Variants in WFDC11 observed in about 807,000 individuals in gnomAD.
WFDC11 encodes the protein WAP four-disulfide core domain 11.
WFDC11 carries 9 observed loss-of-function variants against 9.9 expected under a neutral mutation model. The observed-to-expected ratio is 0.91, with a 90% CI of 0.55 to 1.58. The LOEUF is 1.58. Ranked by LOEUF, WFDC11 falls within the 40% of genes most tolerant of loss-of-function variation. The probability of loss-of-function intolerance (pLI) is 0.00; values close to 1 mark genes in which losing one functional copy is unlikely to be tolerated. For missense variants in WFDC11, 106 were observed against 101.7 expected (o/e 1.04, Z -0.18); for synonymous variants, 32 against 33.3 (o/e 0.96, Z 0.13).
At chr20:45,664,873 G>A (rs977757612) in intron 2 of WFDC11, among the ~76,000 whole-genome samples, 30 of 152,082 alleles carry the variant, frequency 2.0e-4, no homozygotes, top group Admixed American at 2.0e-4. Flanking sequence ...TTCAACTTTA[G>A]TGAATCTAAC....
rs548648840 is a variant in WFDC11 at position 45,660,488 on chromosome 20, A to C, written c.-52+6600T>G. On this transcript the variant is annotated intron_variant, in intron 2 of 4. Transcript: ENST00000324384. ...GTGCAGGTTAGTTACATATGTATAC[A>C]TGTGCCATGCTGGTGTGCTTCACCC... is the stretch of plus-strand genomic sequence containing the variant. 1.4e-3 allele frequency among the ~76,000 whole-genome samples: 214 copies of C among 152,208 alleles called. 1 individual carries two copies. In the South Asian group the frequency reaches 0.018, roughly 13 times the overall value.
intron 2 of WFDC11, among the ~76,000 whole-genome samples, chr20:45,665,502 G>T (rs1983169436): frequency 3.9e-5 from 6 of 152,180 alleles, no homozygotes; most frequent in African/African-American, 1.4e-4. Context: ...AGGCACTCTG[G>T]TTTTTAGAAT....
Position 45,659,538 on chromosome 20 carries a change from C to T in WFDC11, c.-52+7550G>A, listed in dbSNP as rs142402011. Among the ~76,000 whole-genome samples, 229 of 152,138 alleles carry T rather than the reference C, an allele frequency of 1.5e-3. 1 individual carries two copies. Among genetic ancestry groups the T allele is most frequent in the African/African-American group, 5.3e-3 (222 of 41,520 alleles). On this transcript the variant is annotated intron_variant, in intron 2 of 4. Transcript: ENST00000324384. ...CTGAGAAGTGTCTGTTCATATCCTT[C>T]GCCTACTTTTTGATGGGGTTGTTTG...
chr20:45,649,523 T>A, intron 3 of WFDC11, 124 bp from the exon 4 acceptor site: 1 of 1,237,482 alleles, frequency 8.1e-7, no homozygotes, highest in Non-Finnish European at 1.1e-6. Context: ...CCAAGATATC[T>A]ATTTGCCTTT....
chr20:45,656,548 A>G (rs1346698069), intron 2 of WFDC11, among the ~76,000 whole-genome samples: 5 of 152,168 alleles, frequency 3.3e-5, no homozygotes, highest in Admixed American at 6.5e-5. Flanking sequence ...TGACTAAAAC[A>G]CCAAAAGCAA....
At chr20:45,657,922 GC>G (rs1982971566) in intron 2 of WFDC11, among the ~76,000 whole-genome samples, 2 of 152,148 alleles carry the variant, frequency 1.3e-5, no homozygotes, top group African/African-American at 4.8e-5. Context: ...AATATTTCTA[GC>G]AATTCCACTA....
At chr20:45,662,089 T>C (rs1983081772) in intron 2 of WFDC11, among the ~76,000 whole-genome samples, 1 of 152,106 alleles carries the variant, frequency 6.6e-6, no homozygotes, top group African/African-American at 2.4e-5. Flanking sequence ...CTTCTTTTAT[T>C]TCATTGAGCA....
chr20:45,652,748 G>T (rs1424784942), intron 2 of WFDC11, among the ~76,000 whole-genome samples: 1 of 152,146 alleles, frequency 6.6e-6, no homozygotes, highest in African/African-American at 2.4e-5. Context: ...AATTCTGATG[G>T]AGCTGAAAAC....
chr20:45,656,786 A>C (rs1568662335), intron 2 of WFDC11, among the ~76,000 whole-genome samples: 1 of 152,244 alleles, frequency 6.6e-6, no homozygotes, highest in Admixed American at 6.5e-5. Context: ...ATGAACAGAC[A>C]CTTCTCAAAA....
intron 1 of WFDC11, among the ~76,000 whole-genome samples, chr20:45,669,312 A>T (rs1983249275): frequency 6.6e-6 from 1 of 152,230 alleles, no homozygotes; most frequent in Non-Finnish European, 1.5e-5. Flanking sequence ...ATTATAGCAC[A>T]GGCATACCTC....
intron 1 of WFDC11, among the ~76,000 whole-genome samples, chr20:45,668,578 A>T (rs541972227): frequency 6.6e-6 from 1 of 152,328 alleles, no homozygotes; most frequent in African/African-American, 2.4e-5. Flanking sequence ...ATTTTGTAAA[A>T]ATATGAAAAT....
rs576151720 is a variant in WFDC11, at chr20:45,668,021, G to A, written c.-133-852C>T. Among the ~76,000 whole-genome samples the A allele has an allele frequency of 3.3e-5, 5 of 152,268 alleles. 1 individual carries two copies. The highest frequency in any genetic ancestry group is 9.6e-5 in the African/African-American group (4 of 41,550). ...TTGCCAATGCAGAAACTGAAGCATC[G>A]AGGAGCTAAGCAACTTGCCCAAGGC... is the stretch of plus-strand genomic sequence containing the variant. On this transcript the variant is annotated intron_variant, in intron 1 of 4. Coordinates refer to ENST00000324384, the MANE Select transcript of WFDC11 (RefSeq NM_147197.2).
chr20:45,664,911 G>A (rs1485871977), intron 2 of WFDC11, among the ~76,000 whole-genome samples: 8 of 152,124 alleles, frequency 5.3e-5, no homozygotes, highest in African/African-American at 1.4e-4. Context: ...TGCTCTTCTC[G>A]AGGAGTGTCT....
chr20:45,659,072 A>G (rs1031705534), intron 2 of WFDC11, among the ~76,000 whole-genome samples: 2 of 152,352 alleles, frequency 1.3e-5, no homozygotes, highest in African/African-American at 4.8e-5. Flanking sequence ...ATAGTATTCC[A>G]TGGTGTATAT....
At chr20:45,648,854 A>G in intron 4 of WFDC11, 115 bp from the exon 5 acceptor site, 4 of 1,131,682 alleles carry the variant, frequency 3.5e-6, no homozygotes, top group Non-Finnish European at 3.9e-6. Context: ...GAATACTTTA[A>G]CGTAACAACA....
chr20:45,652,082 A>G (rs1982819962), intron 2 of WFDC11, among the ~76,000 whole-genome samples: 1 of 152,200 alleles, frequency 6.6e-6, no homozygotes, highest in Non-Finnish European at 1.5e-5. Flanking sequence ...CTTTGAAGAG[A>G]GTAGTGTTTC....
intron 3 of WFDC11, 124 bp from the exon 4 acceptor site, chr20:45,649,523 T>C (rs1982756061): frequency 8.1e-7 from 1 of 1,237,484 alleles, no homozygotes; most frequent in Non-Finnish European, 1.1e-6. Flanking sequence ...CCAAGATATC[T>C]ATTTGCCTTT....
Position 45,649,346 on chromosome 20 carries a change from T to G in WFDC11, c.154A>C (p.Thr52Pro), listed in dbSNP as rs1982752304. The change falls in exon 4 of 5, where the codon ACC (threonine) becomes CCC (proline). Residue 52 changes from threonine to proline, a missense_variant. Thr to Pro is a conservative substitution (Grantham distance 38). Transcript: ENST00000324384. ...CWGKPNVKEC[T>P]NKCSKAFRCK... The stretch of plus-strand genomic sequence containing the variant: ...CTAAAGGCTTTAGAACACTTATTGG[T>G]ACATTCTTTGACATTTGGCTTTCCC... 6.2e-7 allele frequency: 1 copy of G among 1,614,210 alleles called. No individual in the cohort carries two copies. Among genetic ancestry groups the G allele is most frequent in the Admixed American group, 1.7e-5 (1 of 60,024 alleles).
At chr20:45,670,085 G>C (rs1253022538) in intron 1 of WFDC11, 93 bp downstream of exon 1, 1 of 151,842 alleles carries the variant, frequency 6.6e-6, no homozygotes, top group African/African-American at 2.4e-5. Context: ...TAACCTCTTG[G>C]AATCATACAA....
Sources: allele counts gnomAD v4.1 joint callset (sites outside exome capture counted in the v4.1 genomes callset), GRCh38; gene constraint gnomAD v4.1.1; transcripts MANE v1.5; gene names NCBI Gene and HGNC (gene_info 2026-07-23, HGNC 2026-07-21).